DPYS: variants seen among roughly 807,000 people sequenced by gnomAD.
DPYS encodes dihydropyrimidine amidohydrolase.
Under a neutral mutation model 50.3 loss-of-function variants are expected in DPYS, and 39 were observed. That is an observed-to-expected ratio of 0.78 (90% CI 0.60 to 1.01). The LOEUF is 1.01. DPYS is among the 50% of genes least tolerant of loss of function. DPYS has a pLI of 0.00. For synonymous variants in DPYS, 245 were observed against 250.7 expected (o/e 0.98, Z 0.22); for missense variants, 659 against 680.9 (o/e 0.97, Z 0.36).
intron 1 of DPYS, among the ~76,000 whole-genome samples, chr8:104,457,171 C>A (rs1277026654): frequency 6.6e-6 from 1 of 152,090 alleles, no homozygotes; most frequent in Non-Finnish European, 1.5e-5. Context: ...CACTTTGGGG[C>A]CATTATGAAG....
intron 1 of DPYS, among the ~76,000 whole-genome samples, chr8:104,465,278 G>T (rs1188049352): frequency 6.6e-6 from 1 of 151,888 alleles, no homozygotes; most frequent in Non-Finnish European, 1.5e-5. Flanking sequence ...AGGGGTGGAG[G>T]GGGTAGTGGG....
intron 3 of DPYS, among the ~76,000 whole-genome samples, chr8:104,446,622 T>C (rs1813539549): frequency 6.6e-6 from 1 of 152,234 alleles, no homozygotes; most frequent in African/African-American, 2.4e-5. Flanking sequence ...GTCTGTTTTT[T>C]GTTTTGTTTT....
chr8:104,382,090 A>C (rs562864631), intron 8 of DPYS, among the ~76,000 whole-genome samples: 1 of 152,286 alleles, frequency 6.6e-6, no homozygotes, highest in Admixed American at 6.5e-5. Flanking sequence ...AAATAAACCT[A>C]TCTCTCAGAT....
At chr8:104,441,610 C>T (rs895782644) in intron 4 of DPYS, among the ~76,000 whole-genome samples, 4 of 152,150 alleles carry the variant, frequency 2.6e-5, no homozygotes, top group East Asian at 1.9e-4. Flanking sequence ...GAAGGGGCCA[C>T]GAGCCAAGTA....
At chr8:104,437,013 C>A (rs1382302876) in intron 4 of DPYS, among the ~76,000 whole-genome samples, 1 of 151,772 alleles carries the variant, frequency 6.6e-6, no homozygotes, top group Non-Finnish European at 1.5e-5. Flanking sequence ...ATTAGAAGGG[C>A]AGGAAAAAGT....
intron 4 of DPYS, among the ~76,000 whole-genome samples, chr8:104,437,270 G>A (rs1466288852): frequency 1.3e-5 from 2 of 152,154 alleles, no homozygotes; most frequent in Admixed American, 6.5e-5. Context: ...TGTCAGAGGT[G>A]TTCCAACCAG....
intron 1 of DPYS, among the ~76,000 whole-genome samples, chr8:104,464,688 T>C (rs1347533469): frequency 1.3e-5 from 2 of 152,180 alleles, no homozygotes; most frequent in African/African-American, 2.4e-5. Flanking sequence ...CAATATGATA[T>C]CGATTATGTA....
At chr8:104,437,451 T>C (rs1813190536) in intron 4 of DPYS, among the ~76,000 whole-genome samples, 1 of 152,188 alleles carries the variant, frequency 6.6e-6, no homozygotes, top group Admixed American at 6.5e-5. Context: ...ATGTATTAGC[T>C]AAAATATATT....
rs916396307 is a variant in DPYS at position 104,466,218 on chromosome 8, T to C, written c.264+439A>G. ...TTTGGTTTTGGTTGGGGATAAAGGA[T>C]GGGTCGAAATGGTTGGGAGAAATGG... On this transcript the variant is annotated intron_variant, in intron 1 of 9. Coordinates refer to ENST00000351513, the MANE Select transcript of DPYS (RefSeq NM_001385.3). Among the ~76,000 whole-genome samples the C allele has an allele frequency of 5.9e-5, 9 of 152,150 alleles. No individual in the cohort carries two copies. In the South Asian group the frequency reaches 6.2e-4, roughly 11 times the overall value.
intron 7 of DPYS, among the ~76,000 whole-genome samples, chr8:104,393,419 T>C (rs2140522545): frequency 6.6e-6 from 1 of 152,334 alleles, no homozygotes; most frequent in African/African-American, 2.4e-5. Context: ...GGGGGCTTCT[T>C]CAATACCCCT....
intron 6 of DPYS, among the ~76,000 whole-genome samples, chr8:104,425,456 G>T (rs969462128): frequency 6.6e-6 from 1 of 151,184 alleles, no homozygotes; most frequent in East Asian, 2.0e-4. Flanking sequence ...TACATGGTGG[G>T]GTATGCCCCA....
In DPYS at chr8:104,428,093, T is replaced by C. The variant is rs759080178; in HGVS notation, c.979A>G (p.Asn327Asp). 3.1e-6 allele frequency: 5 copies of C among 1,614,230 alleles called. No individual in the cohort carries two copies. In the South Asian group the frequency reaches 5.5e-5, roughly 18 times the overall value. Reference protein sequence around the residue: ...NDDLTTTGTDNCTFNTCQKAL... With the variant: ...NDDLTTTGTDDCTFNTCQKAL... ...TTCTGGCAGGTGTTGAAAGTGCAGT[T>C]ATCAGTCCCTGTTGTGGTTAGATCA... Residue 327 changes from asparagine to aspartate, a missense_variant, in exon 6 of 10, where the codon AAC becomes GAC. By Grantham distance (23) the Asn-to-Asp change is conservative. Transcript: ENST00000351513.
chr8:104,381,093 T>G, intron 9 of DPYS, 91 bp downstream of exon 9: 1 of 1,094,796 alleles, frequency 9.1e-7, no homozygotes, highest in Non-Finnish European at 1.4e-6. Context: ...CTGTGAAGCC[T>G]CTGACCTTGA....
rs143825702 is a variant in DPYS, at chr8:104,447,399, G to A, written c.528C>T (p.Tyr176=). Residue 176 remains tyrosine, a synonymous_variant, in exon 3 of 10, where the codon TAC becomes TAT. Coordinates refer to ENST00000351513, the MANE Select transcript of DPYS (RefSeq NM_001385.3). ...TTTCCTTGCACCGAGAGAAGGCTTC[G>A]TACAGCTCCAGGTCTGTCACCATGT... The part of the protein sequence containing the change: ...DLYMVTDLEL[Y]EAFSRCKEIG... 6,093 of 1,613,904 alleles carry A rather than the reference G, an allele frequency of 3.8e-3. 15 individuals are homozygous for A. Among genetic ancestry groups the A allele is most frequent in the Non-Finnish European group, 4.8e-3 (5,660 of 1,179,990 alleles).
chr8:104,401,209 T>G (rs1811793486), intron 7 of DPYS, among the ~76,000 whole-genome samples: 1 of 152,172 alleles, frequency 6.6e-6, no homozygotes, highest in African/African-American at 2.4e-5. Context: ...ATATACCTCA[T>G]CTCTCTACAT....
chr8:104,463,898 T>C (rs534724620), intron 1 of DPYS, among the ~76,000 whole-genome samples: 3 of 152,178 alleles, frequency 2.0e-5, no homozygotes, highest in Non-Finnish European at 4.4e-5. Context: ...AATACTGTAA[T>C]GTTTATGTTT....
chr8:104,453,685 C>T (rs764007270), intron 1 of DPYS, among the ~76,000 whole-genome samples: 2 of 152,242 alleles, frequency 1.3e-5, no homozygotes, highest in Non-Finnish European at 2.9e-5. Context: ...AGCAATTCCA[C>T]TCCTAGGCCT....
intron 7 of DPYS, among the ~76,000 whole-genome samples, chr8:104,413,083 C>T (rs543551522): frequency 2.6e-5 from 4 of 152,210 alleles, no homozygotes; most frequent in African/African-American, 7.2e-5. Context: ...GAAACTCTCA[C>T]ACATATATAC....
intron 7 of DPYS, among the ~76,000 whole-genome samples, chr8:104,405,861 T>C (rs1203244544): frequency 6.6e-6 from 1 of 152,224 alleles, no homozygotes; most frequent in East Asian, 1.9e-4. Context: ...CAGGAGGGCA[T>C]GATGAGCTGC....
Sources: allele counts gnomAD v4.1 joint callset (sites outside exome capture counted in the v4.1 genomes callset), GRCh38; gene constraint gnomAD v4.1.1; transcripts MANE v1.5; gene names NCBI Gene and HGNC (gene_info 2026-07-23, HGNC 2026-07-21).